The following MSH3 variants were observed in gnomAD, a reference collection of about 807,000 sequenced individuals.
The protein encoded by MSH3 is DNA mismatch repair protein Msh3.
Under a neutral mutation model 123.3 loss-of-function variants are expected in MSH3, and 106 were observed. The observed-to-expected ratio is 0.86, with a 90% CI of 0.73 to 1.01. The LOEUF (loss-of-function observed/expected upper bound fraction) is 1.01. Among genes scored for constraint, MSH3 ranks in the 50% least tolerant of loss-of-function variants. The pLI is 0.00. For missense variants in MSH3, 1,459 were observed against 1,347.6 expected, an observed-to-expected ratio of 1.08 and a Z score of -1.29; for synonymous variants, 515 against 481.4, an observed-to-expected ratio of 1.07 and a Z score of -0.91.
At chr5:80,707,738 AC>A (rs1470691143) in intron 8 of MSH3, among the ~76,000 whole-genome samples, 2 of 152,204 alleles carry the variant, frequency 1.3e-5, no homozygotes, top group Admixed American at 6.5e-5. Context: ...TCTCAAAAAA[AC>A]AAAACAAAAA....
chr5:80,791,621 C>A (rs1311514504), intron 18 of MSH3, among the ~76,000 whole-genome samples: 1 of 151,954 alleles, frequency 6.6e-6, no homozygotes, highest in Non-Finnish European at 1.5e-5. Flanking sequence ...TTTACTATCC[C>A]CTTATTCTCA....
At chr5:80,697,076 G>A (rs528899772) in intron 8 of MSH3, among the ~76,000 whole-genome samples, 14 of 152,234 alleles carry the variant, frequency 9.2e-5, no homozygotes, top group Non-Finnish European at 1.9e-4. Context: ...GGAAAATTTT[G>A]CCAGCTCTCC....
intron 13 of MSH3, among the ~76,000 whole-genome samples, chr5:80,761,988 T>G (rs181979813): frequency 1.9e-4 from 29 of 152,240 alleles, no homozygotes; most frequent in Admixed American, 1.4e-3. Flanking sequence ...AGGAAATTTA[T>G]GTAGACTTGT....
At chr5:80,690,960 C>G (rs141373340) in intron 8 of MSH3, among the ~76,000 whole-genome samples, 4 of 151,988 alleles carry the variant, frequency 2.6e-5, no homozygotes, top group African/African-American at 7.2e-5. Context: ...CTCTCCAATT[C>G]CTATCATGTT....
intron 20 of MSH3, among the ~76,000 whole-genome samples, chr5:80,848,430 T>G (rs1745762927): frequency 6.6e-6 from 1 of 152,204 alleles, no homozygotes; most frequent in African/African-American, 2.4e-5. Flanking sequence ...AGATTTTGCT[T>G]GTTTTAATTC....
At chr5:80,781,669 T>C (rs1561476532) in intron 17 of MSH3, among the ~76,000 whole-genome samples, 1 of 152,142 alleles carries the variant, frequency 6.6e-6, no homozygotes, top group Non-Finnish European at 1.5e-5. Context: ...GGTTTCTCTA[T>C]GTTCCCCAGC....
chr5:80,727,743 A>G (rs928356862), intron 9 of MSH3, among the ~76,000 whole-genome samples: 1 of 152,192 alleles, frequency 6.6e-6, no homozygotes, highest in Non-Finnish European at 1.5e-5. Flanking sequence ...TGGAGTTTAC[A>G]TTCTAATGGT....
chr5:80,725,629 A>G, intron 9 of MSH3, 64 bp downstream of exon 9: 1 of 1,049,522 alleles, frequency 9.5e-7, no homozygotes, highest in Non-Finnish European at 1.5e-6. Context: ...AGGTATTAGT[A>G]TGATTCTCAA....
rs6151637 is a variant in MSH3, at chr5:80,670,980, C to T, written c.792+671C>T. Among the ~76,000 whole-genome samples the T allele has an allele frequency of 5.7e-3, 859 of 151,978 alleles. 4 individuals carry two copies. The highest frequency in any genetic ancestry group is 6.7e-3 in the Non-Finnish European group (457 of 67,964). ...ACTAAAAATATTAAAAAAATTAGCC[C>T]GGTGTGGTGGTGCATGCCTTTAGTC... On this transcript the variant is annotated intron_variant, in intron 4 of 23. Transcript: ENST00000265081.
At position 80,750,519 on chromosome 5, in the gene MSH3, T is replaced by A. The variant is rs371080625; in HGVS notation, c.1763+5904T>A. Reference sequence around the variant, plus strand: ...GTTTCATTTATCTATTGGCCATTTGTATATCTTTTGGGAATCGTCTATTCA... The same window carrying A: ...GTTTCATTTATCTATTGGCCATTTGAATATCTTTTGGGAATCGTCTATTCA... On this transcript the variant is annotated intron_variant, in intron 12 of 23. Coordinates refer to ENST00000265081, the MANE Select transcript of MSH3 (RefSeq NM_002439.5). 3.3e-5 allele frequency among the ~76,000 whole-genome samples: 5 copies of A among 150,122 alleles called. No homozygotes were observed. The East Asian group carries it at 7.8e-4, about 24-fold the overall frequency.
chr5:80,751,645 TCA>T (rs1162797831), intron 12 of MSH3, among the ~76,000 whole-genome samples: 2 of 152,160 alleles, frequency 1.3e-5, no homozygotes, highest in Non-Finnish European at 2.9e-5. Flanking sequence ...GTATGTCCCT[TCA>T]CACAGTGTTT....
chr5:80,692,625 T>C (rs943672651), intron 8 of MSH3, among the ~76,000 whole-genome samples: 1 of 146,256 alleles, frequency 6.8e-6, no homozygotes, highest in Admixed American at 6.8e-5. Context: ...TATATAAACA[T>C]GTATATGTTT....
At chr5:80,745,837 C>T (rs924457498) in intron 12 of MSH3, among the ~76,000 whole-genome samples, 1 of 152,244 alleles carries the variant, frequency 6.6e-6, no homozygotes, top group African/African-American at 2.4e-5. Context: ...CCTCACTAAG[C>T]AGATGCTGTT....
chr5:80,772,159 G>GTAT (rs1283132835), intron 15 of MSH3, among the ~76,000 whole-genome samples: 1 of 152,030 alleles, frequency 6.6e-6, no homozygotes, highest in South Asian at 2.1e-4. Context: ...GTACTGATAA[G>GTAT]TATTATTATT....
intron 12 of MSH3, among the ~76,000 whole-genome samples, chr5:80,753,450 CAAAAT>C (rs1324875171): frequency 1.3e-5 from 2 of 152,156 alleles, no homozygotes; most frequent in African/African-American, 2.4e-5. Flanking sequence ...GGCCTACTCT[CAAAAT>C]AATATAACCA....
At chr5:80,740,208 A>G (rs1284854358) in intron 10 of MSH3, among the ~76,000 whole-genome samples, 3 of 152,206 alleles carry the variant, frequency 2.0e-5, no homozygotes, top group African/African-American at 4.8e-5. Flanking sequence ...TCATTCTCAA[A>G]TCTTTTTGAA....
chr5:80,758,832 GAC>G (rs968492151), intron 12 of MSH3, among the ~76,000 whole-genome samples: 75 of 152,152 alleles, frequency 4.9e-4, no homozygotes, highest in African/African-American at 1.8e-3. Flanking sequence ...TAATTTTTGA[GAC>G]AGTAGCTATT....
intron 9 of MSH3, among the ~76,000 whole-genome samples, chr5:80,726,095 G>A (rs890624439): frequency 2.0e-5 from 3 of 152,246 alleles, no homozygotes; most frequent in African/African-American, 4.8e-5. Flanking sequence ...GTGACAGGTC[G>A]AAATATTTTA....
chr5:80,833,475 G>T (rs569621782), intron 20 of MSH3, among the ~76,000 whole-genome samples: 1 of 151,856 alleles, frequency 6.6e-6, no homozygotes, highest in African/African-American at 2.4e-5. Flanking sequence ...ATGGAGTCTC[G>T]CTCTGTCGCC....
Sources: allele counts gnomAD v4.1 joint callset (sites outside exome capture counted in the v4.1 genomes callset), GRCh38; gene constraint gnomAD v4.1.1; transcripts MANE v1.5; gene names NCBI Gene and HGNC (gene_info 2026-07-23, HGNC 2026-07-21).